DNAJC7: variants seen among roughly 807,000 people sequenced by gnomAD.
The protein encoded by DNAJC7 is dnaJ homolog subfamily C member 7.
In DNAJC7, 18 loss-of-function variants were observed where a neutral mutation model predicts 67.4. The ratio of observed to expected loss-of-function variants is 0.27; its 90% CI spans 0.18 to 0.40. The LOEUF (loss-of-function observed/expected upper bound fraction) is 0.40, where lower values mean the gene tolerates loss of function less well. DNAJC7 is among the 10% of genes least tolerant of loss of function. The pLI is 1.00. For synonymous variants in DNAJC7, 220 were observed against 207.8 expected (o/e 1.06, Z -0.50); for missense variants, 419 against 613.8 (o/e 0.68, Z 3.35).
chr17:41,997,657 G>C (rs1323391555), intron 2 of DNAJC7, among the ~76,000 whole-genome samples: 1 of 152,068 alleles, frequency 6.6e-6, no homozygotes, highest in African/African-American at 2.4e-5. Context: ...ACAATGTTAA[G>C]GGAATCTATC....
rs2051683282 is a variant in DNAJC7, at chr17:41,997,138, T to C, written c.268A>G (p.Arg90Gly). 1 of 1,613,830 alleles carries C rather than the reference T, an allele frequency of 6.2e-7. No homozygotes were observed. The highest frequency in any genetic ancestry group is 1.3e-5 in the African/African-American group (1 of 74,896). Residue 90 changes from arginine to glycine, a missense_variant, in exon 3 of 14, where the codon AGG becomes GGG. Coordinates refer to ENST00000457167, the MANE Select transcript of DNAJC7 (RefSeq NM_003315.4). ...EALGDAQQSV[R>G]LDDSFVRGHL... ...ACCCGGACAAAACTGTCATCCAACC[T>C]CACTGACTGTTGTGCATCTCCAAGA...
intron 2 of DNAJC7, among the ~76,000 whole-genome samples, chr17:41,999,611 C>T (rs1367719657): frequency 6.6e-6 from 1 of 152,136 alleles, no homozygotes; most frequent in Admixed American, 6.5e-5. Flanking sequence ...ACCTCCACCT[C>T]CTGGGTTCAA....
intron 8 of DNAJC7, among the ~76,000 whole-genome samples, chr17:41,988,463 G>C (rs1400084659): frequency 6.6e-6 from 1 of 152,220 alleles, no homozygotes. Context: ...AGGTGCTTAA[G>C]ATTATCCCAC....
chr17:41,978,878 TCA>T (rs2051165843), intron 12 of DNAJC7, among the ~76,000 whole-genome samples: 1 of 152,050 alleles, frequency 6.6e-6, no homozygotes, highest in Non-Finnish European at 1.5e-5. Flanking sequence ...AGACTCCGTC[TCA>T]AAACAAAACA....
At chr17:41,993,091 C>G (rs1170986398) in intron 5 of DNAJC7, among the ~76,000 whole-genome samples, 2 of 152,194 alleles carry the variant, frequency 1.3e-5, no homozygotes, top group Non-Finnish European at 2.9e-5. Flanking sequence ...TCTGCATAAG[C>G]TAATCAGATA....
In DNAJC7 at chr17:42,007,838, CTTTTTTTTTTTTT is replaced by C. The variant is rs140104313; in HGVS notation, c.78-7281_78-7269del. Among the ~76,000 whole-genome samples, 7 of 44,532 alleles carry C rather than the reference CTTTTTTTTTTTTT, an allele frequency of 1.6e-4. No homozygotes were observed. In the Admixed American group the frequency reaches 2.0e-3, roughly 13 times the overall value. The allele number at this position is 44,532 out of a possible 152,430, so 29.2% of individuals were successfully genotyped here. A position where few individuals can be genotyped will look rare whatever the true frequency, so the allele number is the denominator to read the frequency against. On this transcript the variant is annotated intron_variant, in intron 1 of 13. Coordinates refer to ENST00000457167, the MANE Select transcript of DNAJC7 (RefSeq NM_003315.4). Reference sequence around the variant, plus strand: ...ACCACAATTGGCCAGAAAAAACTGCCTTTTTTTTTTTTTTTTTTTTTTTTGAGACAGAATTTCG... The same window carrying C: ...ACCACAATTGGCCAGAAAAAACTGCCTTTTTTTTTTTGAGACAGAATTTCG...
chr17:41,983,904 T>C (rs1228907316), intron 9 of DNAJC7, among the ~76,000 whole-genome samples: 1 of 151,930 alleles, frequency 6.6e-6, no homozygotes, highest in Non-Finnish European at 1.5e-5. Flanking sequence ...AAAAGTTCCT[T>C]CTGACACACA....
chr17:41,989,421 C>A lies in DNAJC7; in HGVS notation c.736G>T (p.Ala246Ser). Reference sequence around the variant, plus strand: ...GAACTTACTCTGCAGGCAATGCAGGCCTTCTCGTGGTCAGGAGCCATCCTG... The same window carrying A: ...GAACTTACTCTGCAGGCAATGCAGGACTTCTCGTGGTCAGGAGCCATCCTG... ...ALRMAPDHEK[A>S]CIACRNAKAL... Residue 246 changes from alanine to serine, a missense_variant, in exon 7 of 14, where the codon GCC becomes TCC. Around this residue, in one of 4 missense-constraint regions of DNAJC7, gnomAD observed 16 missense variants for 57.9 expected, o/e 0.28. Coordinates refer to ENST00000457167, the MANE Select transcript of DNAJC7 (RefSeq NM_003315.4). 1 of 1,613,990 alleles carries A rather than the reference C, an allele frequency of 6.2e-7. No homozygotes were observed. Among genetic ancestry groups the A allele is most frequent in the Non-Finnish European group, 8.5e-7 (1 of 1,179,878 alleles).
chr17:41,990,086 T>C (rs146564800), intron 6 of DNAJC7, among the ~76,000 whole-genome samples, 178 bp downstream of exon 6: 73 of 152,368 alleles, frequency 4.8e-4, no homozygotes, highest in Non-Finnish European at 4.7e-4. Flanking sequence ...TATACTACTA[T>C]ACTCCTGTAT....
intron 1 of DNAJC7, chr17:42,014,716 C>T (rs1472328671): frequency 6.6e-6 from 1 of 151,636 alleles, no homozygotes; most frequent in African/African-American, 2.4e-5. Context: ...CAGCATCACC[C>T]CACCTGGCTA....
intron 1 of DNAJC7, chr17:42,016,928 T>G: frequency 8.9e-7 from 1 of 1,119,198 alleles, no homozygotes; most frequent in Non-Finnish European, 1.1e-6. Flanking sequence ...AGAGCAAAGG[T>G]TTTGGAGACG....
In DNAJC7 at chr17:41,976,574, T is replaced by C; in HGVS notation, c.*159A>G. 1 of 903,484 alleles carries C rather than the reference T, an allele frequency of 1.1e-6. No individual in the cohort carries two copies. The highest frequency in any genetic ancestry group is 1.8e-5 in the South Asian group (1 of 56,594). The allele number at this position is 903,484 out of a possible 1,614,324, so 56.0% of individuals were successfully genotyped here. On this transcript the variant is annotated 3_prime_UTR_variant, in exon 14 of 14. Coordinates refer to ENST00000457167, the MANE Select transcript of DNAJC7 (RefSeq NM_003315.4). ...CTCGGTCTTCGGCATTGGTTCCCTTTGCTCCACCCCACTCACAGAGACACA... is the reference window on the plus strand; with the variant it reads ...CTCGGTCTTCGGCATTGGTTCCCTTCGCTCCACCCCACTCACAGAGACACA...
At chr17:41,996,223 A>C in intron 4 of DNAJC7, 88 bp downstream of exon 4, 1 of 1,310,442 alleles carries the variant, frequency 7.6e-7, no homozygotes, top group Non-Finnish European at 1.1e-6. Context: ...CAGAAGTGAG[A>C]CTAGACCTCA....
At chr17:41,994,825 T>C in intron 5 of DNAJC7, 45 bp downstream of exon 5, 1 of 1,562,636 alleles carries the variant, frequency 6.4e-7, no homozygotes, top group African/African-American at 1.3e-5. Context: ...GAATGGGAAT[T>C]TTGCGACAAA....
In DNAJC7 at chr17:41,980,135, C is replaced by T. The variant is rs563434893; in HGVS notation, c.1384+1720G>A. On this transcript the variant is annotated intron_variant, in intron 12 of 13. Transcript: ENST00000457167. Reference sequence around the variant, plus strand: ...TGCGATCTCAGCTCATTGCAACCTCCGCCTCCCGAGTTCAAGCGATTCTCC... The same window carrying T: ...TGCGATCTCAGCTCATTGCAACCTCTGCCTCCCGAGTTCAAGCGATTCTCC... 4.0e-5 allele frequency among the ~76,000 whole-genome samples: 6 copies of T among 149,780 alleles called. No homozygotes were observed. In the East Asian group the frequency reaches 6.1e-4, roughly 15 times the overall value.
intron 1 of DNAJC7, chr17:42,016,608 CCGACTGGCAATCT>C (rs1295151405): frequency 1.3e-5 from 2 of 152,834 alleles, no homozygotes; most frequent in Non-Finnish European, 2.9e-5. Context: ...CTTGGCTAGT[CCGACTGGCAATCT>C]CGAACCACTG....
chr17:42,017,051 C>G, intron 1 of DNAJC7: 1 of 1,361,358 alleles, frequency 7.3e-7, no homozygotes, highest in African/African-American at 1.5e-5. Context: ...TCGCACCAGA[C>G]CTCTGAAATT....
chr17:41,999,320 G>C (rs2051744760), intron 2 of DNAJC7, among the ~76,000 whole-genome samples: 1 of 151,992 alleles, frequency 6.6e-6, no homozygotes, highest in Non-Finnish European at 1.5e-5. Flanking sequence ...TGTTGAGTTG[G>C]GGTAAGCAAA....
At chr17:42,001,980 T>A (rs879971705) in intron 1 of DNAJC7, among the ~76,000 whole-genome samples, 1 of 152,134 alleles carries the variant, frequency 6.6e-6, no homozygotes. Context: ...ATACCAACTA[T>A]CACAATGCTG....
Sources: allele counts gnomAD v4.1 joint callset (sites outside exome capture counted in the v4.1 genomes callset), GRCh38; gene constraint gnomAD v4.1.1; regional missense constraint gnomAD v4.1.1; transcripts MANE v1.5; gene names NCBI Gene and HGNC (gene_info 2026-07-23, HGNC 2026-07-21).